Variants in PBLD observed in about 807,000 individuals in gnomAD.
The protein encoded by PBLD is phenazine biosynthesis-like domain-containing protein.
PBLD carries 26 observed loss-of-function variants against 31.3 expected under a neutral mutation model. The ratio of observed to expected loss-of-function variants is 0.83; its 90% CI spans 0.61 to 1.15. The LOEUF (loss-of-function observed/expected upper bound fraction) is 1.15, where lower values mean the gene tolerates loss of function less well. Ranked by LOEUF, PBLD falls within the 50% of genes most tolerant of loss-of-function variation. The probability of loss-of-function intolerance (pLI) is 0.00; values close to 1 mark genes in which losing one functional copy is unlikely to be tolerated. For synonymous variants in PBLD, 114 were observed against 129.0 expected, an observed-to-expected ratio of 0.88 and a Z score of 0.79; for missense variants, 307 against 351.7, an observed-to-expected ratio of 0.87 and a Z score of 1.02.
At chr10:68,308,651 C>T (rs950001797) in intron 1 of PBLD, among the ~76,000 whole-genome samples, 1 of 150,310 alleles carries the variant, frequency 6.7e-6, no homozygotes, top group Non-Finnish European at 1.5e-5. Context: ...TGGGTTCAAG[C>T]GATTCTCATG....
At chr10:68,294,003 ACACT>A (rs926090239) in intron 4 of PBLD, among the ~76,000 whole-genome samples, 1 of 152,088 alleles carries the variant, frequency 6.6e-6, no homozygotes, top group Non-Finnish European at 1.5e-5. Context: ...AAAACAAAAG[ACACT>A]CAATTTAATT....
intron 1 of PBLD, among the ~76,000 whole-genome samples, chr10:68,325,629 T>C (rs79851734): frequency 1.3e-5 from 2 of 152,310 alleles, no homozygotes; most frequent in Admixed American, 6.5e-5. Context: ...CCAAGCTCCA[T>C]AGGGTAGCAC....
At chr10:68,319,053 G>GAGAAAAAGAA (rs2044781739) in intron 1 of PBLD, among the ~76,000 whole-genome samples, 2 of 98,836 alleles carry the variant, frequency 2.0e-5, no homozygotes, top group Non-Finnish European at 3.8e-5. Context: ...AAGAAAGAGA[G>GAGAAAAAGAA]AGAAAGAAAG....
intron 8 of PBLD, among the ~76,000 whole-genome samples, chr10:68,285,793 C>T (rs1352868952): frequency 6.6e-6 from 1 of 152,054 alleles, no homozygotes; most frequent in Non-Finnish European, 1.5e-5. Flanking sequence ...ATCCTCCTAC[C>T]TCAGCCCCCC....
At chr10:68,294,752 G>C (rs1205721103) in intron 4 of PBLD, among the ~76,000 whole-genome samples, 1 of 152,196 alleles carries the variant, frequency 6.6e-6, no homozygotes, top group South Asian at 2.1e-4. Context: ...CCTCGAGGTG[G>C]AGTCTCGCTC....
At chr10:68,321,883 T>C (rs533622170) in intron 1 of PBLD, among the ~76,000 whole-genome samples, 151 of 152,270 alleles carry the variant, frequency 9.9e-4, no homozygotes, top group Middle Eastern at 3.4e-3. Flanking sequence ...CATAAATAAA[T>C]GGAGGAGAAG....
intron 2 of PBLD, 92 bp from the exon 3 acceptor site, chr10:68,297,077 G>A: frequency 1.0e-6 from 1 of 977,202 alleles, no homozygotes; most frequent in African/African-American, 1.6e-5. Flanking sequence ...AAGCAGTTTA[G>A]CAATAATAAG....
Position 68,295,158 on chromosome 10 carries a change from G to C in PBLD, c.283+1108C>G, listed in dbSNP as rs553786648. ...TGCTGCAACTCCTTTTAAGGTGAATGTATACAGTGGGGGCCCAGGAATCTT... is the reference window on the plus strand; with the variant it reads ...TGCTGCAACTCCTTTTAAGGTGAATCTATACAGTGGGGGCCCAGGAATCTT... On this transcript the variant is annotated intron_variant, in intron 4 of 9. Transcript: ENST00000358769. Among the ~76,000 whole-genome samples, 3 of 152,308 alleles carry C rather than the reference G, an allele frequency of 2.0e-5. No homozygotes were observed. In the South Asian group the frequency reaches 6.2e-4, roughly 32 times the overall value.
rs2044254461 is a variant in PBLD, at chr10:68,283,761, GTGTGGA to G, written c.*410_*415del. 6.1e-6 allele frequency: 1 copy of G among 165,100 alleles called. No individual in the cohort carries two copies. The highest frequency in any genetic ancestry group is 2.4e-5 in the African/African-American group (1 of 41,640). 10.2% of individuals were successfully genotyped at this position (165,100 alleles called of 1,614,324 possible). The stretch of plus-strand genomic sequence containing the variant: ...TTCAATTTTGTGTGTGTGTGTGTGT[GTGTGGA>G]TGGAGTCTTACTCTGTTGCCCAGGC... On this transcript the variant is annotated 3_prime_UTR_variant, in exon 10 of 10. Transcript: ENST00000358769.
At chr10:68,325,008 G>T (rs1373582460) in intron 1 of PBLD, among the ~76,000 whole-genome samples, 1 of 151,794 alleles carries the variant, frequency 6.6e-6, no homozygotes, top group Non-Finnish European at 1.5e-5. Context: ...AACTTTGGGA[G>T]GCCGAGACAG....
intron 1 of PBLD, chr10:68,331,142 A>C (rs2134582115): frequency 6.6e-6 from 1 of 152,416 alleles, no homozygotes; most frequent in South Asian, 2.1e-4. Context: ...CAAAGGCGTA[A>C]GCCACCGCGG....
At chr10:68,301,919 G>A (rs142375876) in intron 2 of PBLD, among the ~76,000 whole-genome samples, 2 of 152,240 alleles carry the variant, frequency 1.3e-5, no homozygotes, top group Non-Finnish European at 2.9e-5. Flanking sequence ...AAATGCACCT[G>A]CTATTTGCCT....
rs1351977949 is a variant in PBLD, at chr10:68,311,675, C to A, written c.-59-4772G>T. On this transcript the variant is annotated intron_variant, in intron 1 of 9. Transcript: ENST00000358769. ...GCTGAGGCAGGAGGAGCGCTTGAAC[C>A]CGGGAAGCGGAGATAGCAGTGAGCC... 2.7e-5 allele frequency among the ~76,000 whole-genome samples: 4 copies of A among 150,052 alleles called. No homozygotes were observed. In the East Asian group the frequency reaches 7.8e-4, roughly 29 times the overall value.
intron 2 of PBLD, among the ~76,000 whole-genome samples, chr10:68,304,441 T>C (rs1004981723): frequency 1.3e-5 from 2 of 152,234 alleles, no homozygotes; most frequent in Non-Finnish European, 2.9e-5. Flanking sequence ...ATCTTCTTTT[T>C]CCTTCTTCCA....
intron 1 of PBLD, among the ~76,000 whole-genome samples, chr10:68,311,305 G>A (rs1211199460): frequency 3.3e-5 from 5 of 151,974 alleles, no homozygotes; most frequent in Non-Finnish European, 5.9e-5. Context: ...TTAGCTGGGC[G>A]GCCAGGCATG....
At chr10:68,309,329 C>T (rs2044627960) in intron 1 of PBLD, among the ~76,000 whole-genome samples, 1 of 146,502 alleles carries the variant, frequency 6.8e-6, no homozygotes, top group Non-Finnish European at 1.5e-5. Flanking sequence ...ATCGCTTGAA[C>T]CTGTGAGGCG....
At chr10:68,312,978 A>C (rs2044691044) in intron 1 of PBLD, among the ~76,000 whole-genome samples, 1 of 151,926 alleles carries the variant, frequency 6.6e-6, no homozygotes, top group South Asian at 2.1e-4. Flanking sequence ...TGGTGCGATC[A>C]ATCACAGTTC....
intron 1 of PBLD, among the ~76,000 whole-genome samples, chr10:68,315,471 G>C (rs2134509033): frequency 6.6e-6 from 1 of 151,888 alleles, no homozygotes; most frequent in Admixed American, 6.6e-5. Flanking sequence ...TGTTATCCCA[G>C]CTACTCAGGA....
Position 68,296,271 on chromosome 10 carries a change from T to C in PBLD, c.278A>G (p.Lys93Arg), listed in dbSNP as rs777641712. ...ATTAAAGAAAATCACATTACTTATT[T>C]TGTGAAACAGCACAGCTGCAGAAGC... ...TLASAAVLFH[K>R]IKNMNSTLTF... is the part of the protein sequence containing the mutation. The change falls in exon 4 of 10, where the codon AAA becomes AGA. Residue 93 changes from lysine to arginine, a missense_variant. By Grantham distance (26) the Lys-to-Arg change is conservative. Coordinates refer to ENST00000358769, the MANE Select transcript of PBLD (RefSeq NM_022129.4). 1 of 1,609,768 alleles carries C rather than the reference T, an allele frequency of 6.2e-7. No homozygotes were observed. Among genetic ancestry groups the C allele is most frequent in the Non-Finnish European group, 8.5e-7 (1 of 1,177,216 alleles).
Sources: allele counts gnomAD v4.1 joint callset (sites outside exome capture counted in the v4.1 genomes callset), GRCh38; gene constraint gnomAD v4.1.1; transcripts MANE v1.5; gene names NCBI Gene and HGNC (gene_info 2026-07-23, HGNC 2026-07-21).